Variants in METTL15 observed in about 807,000 individuals in gnomAD.
METTL15 encodes the protein 12S rRNA N(4)-cytidine methyltransferase METTL15.
METTL15 carries 34 observed loss-of-function variants against 38.3 expected under a neutral mutation model. The observed-to-expected ratio is 0.89, with a 90% CI of 0.68 to 1.18. The LOEUF (loss-of-function observed/expected upper bound fraction) is 1.18, where lower values mean the gene tolerates loss of function less well. Ranked by LOEUF, METTL15 falls within the 50% of genes most tolerant of loss-of-function variation. The pLI, the probability that METTL15 is intolerant of heterozygous loss-of-function variation, is 0.00. For missense variants in METTL15, 438 were observed against 498.4 expected, an observed-to-expected ratio of 0.88 and a Z score of 1.15; for synonymous variants, 162 against 170.9, an observed-to-expected ratio of 0.95 and a Z score of 0.41.
chr11:28,131,261 C>T (rs1009398528), intron 3 of METTL15, among the ~76,000 whole-genome samples: 7 of 152,274 alleles, frequency 4.6e-5, no homozygotes, highest in Non-Finnish European at 1.0e-4. Flanking sequence ...GTTTCAAGTA[C>T]GTTCCTGAAA....
intron 4 of METTL15, among the ~76,000 whole-genome samples, chr11:28,221,183 C>T (rs574298460): frequency 1.9e-4 from 29 of 152,314 alleles, no homozygotes; most frequent in African/African-American, 6.7e-4. Context: ...TTCTCCCCAT[C>T]ACTTTCAGGT....
At chr11:28,422,902 A>C (rs556256599) in intron 5 of METTL15, among the ~76,000 whole-genome samples, 39 of 152,174 alleles carry the variant, frequency 2.6e-4, no homozygotes, top group African/African-American at 8.9e-4. Flanking sequence ...AACAAAGTAA[A>C]GAAAACAGCC....
intron 4 of METTL15, among the ~76,000 whole-genome samples, chr11:28,244,211 G>T (rs1854420407): frequency 6.6e-6 from 1 of 152,192 alleles, no homozygotes; most frequent in Non-Finnish European, 1.5e-5. Flanking sequence ...AAATCAGATT[G>T]CAGAAGGTAA....
intron 6 of METTL15, among the ~76,000 whole-genome samples, chr11:28,462,859 C>T (rs1851227682): frequency 6.6e-6 from 1 of 152,062 alleles, no homozygotes; most frequent in South Asian, 2.1e-4. Context: ...TAACAAATGT[C>T]CATTACAAGT....
At chr11:28,316,402 C>G (rs1305300340) in intron 6 of METTL15, among the ~76,000 whole-genome samples, 2 of 152,190 alleles carry the variant, frequency 1.3e-5, no homozygotes, top group African/African-American at 4.8e-5. Context: ...CTGTATTTAC[C>G]TATTGCCTAT....
chr11:28,340,389 A>T lies in METTL15; in HGVS notation c.*190-11701A>T, dbSNP rs542627676. On this transcript the variant is annotated intron_variant and NMD_transcript_variant, in intron 3 of 7. Transcript: ENST00000532947. ...AAACTATCATCAGAGTGAACAGGCA[A>T]CCTACAGAATGGGAGAAAAGTTTTG... Among the ~76,000 whole-genome samples, 23 of 152,274 alleles carry T rather than the reference A, an allele frequency of 1.5e-4. No homozygotes were observed. The East Asian group carries it at 3.1e-3, about 20-fold the overall frequency.
intron 5 of METTL15, among the ~76,000 whole-genome samples, chr11:28,369,863 G>A (rs529404161): frequency 3.5e-4 from 54 of 152,182 alleles, no homozygotes; most frequent in African/African-American, 1.3e-3. Context: ...TCTGGTAAAG[G>A]TAAATATATC....
chr11:28,292,973 A>C (rs1476646765), intron 5 of METTL15, among the ~76,000 whole-genome samples: 1 of 152,270 alleles, frequency 6.6e-6, no homozygotes, highest in South Asian at 2.1e-4. Flanking sequence ...TCAGATGAGT[A>C]GGTTGCAAAA....
chr11:28,262,944 T>C (rs537871978), intron 4 of METTL15, among the ~76,000 whole-genome samples: 50 of 152,212 alleles, frequency 3.3e-4, no homozygotes, highest in African/African-American at 1.2e-3. Flanking sequence ...TTATAGATCT[T>C]GAGATTTTAA....
At chr11:28,300,686 C>A (rs186150826) in intron 6 of METTL15, among the ~76,000 whole-genome samples, 3 of 152,232 alleles carry the variant, frequency 2.0e-5, no homozygotes, top group African/African-American at 2.4e-5. Context: ...CACACATGTT[C>A]ATACATATGC....
intron 4 of METTL15, among the ~76,000 whole-genome samples, chr11:28,235,284 T>G (rs2133890749): frequency 6.6e-6 from 1 of 152,272 alleles, no homozygotes; most frequent in East Asian, 1.9e-4. Flanking sequence ...GACTTGGCGA[T>G]GCGGGCTCTT....
intron 3 of METTL15, among the ~76,000 whole-genome samples, chr11:28,351,446 T>C (rs1850040976): frequency 6.6e-6 from 1 of 152,184 alleles, no homozygotes; most frequent in South Asian, 2.1e-4. Flanking sequence ...CAATTATTTA[T>C]CAACACAAAC....
intron 3 of METTL15, among the ~76,000 whole-genome samples, chr11:28,183,050 T>C (rs1395539375): frequency 6.6e-6 from 1 of 152,142 alleles, no homozygotes; most frequent in Non-Finnish European, 1.5e-5. Flanking sequence ...AATATTTGGC[T>C]CTCTGTTTGT....
At chr11:28,125,686 A>G (rs913240880) in intron 3 of METTL15, 4 of 152,114 alleles carry the variant, frequency 2.6e-5, no homozygotes, top group African/African-American at 9.7e-5. Context: ...CTATAAACCA[A>G]TTTTTAACAA....
At chr11:28,112,419 T>C (rs552347716) in intron 2 of METTL15, among the ~76,000 whole-genome samples, 15 of 152,350 alleles carry the variant, frequency 9.8e-5, no homozygotes, top group Admixed American at 2.6e-4. Context: ...AACTGGGTAG[T>C]ATCAAGCGGT....
intron 6 of METTL15, among the ~76,000 whole-genome samples, chr11:28,459,983 C>T (rs911542547): frequency 1.3e-5 from 2 of 151,706 alleles, no homozygotes; most frequent in African/African-American, 4.8e-5. Context: ...ACTGTGAGGC[C>T]CATTTATTTA....
chr11:28,237,641 G>T (rs968220822), intron 4 of METTL15, among the ~76,000 whole-genome samples: 2 of 152,216 alleles, frequency 1.3e-5, no homozygotes, highest in African/African-American at 4.8e-5. Context: ...TCCGTTGCTG[G>T]TGAGGAACTG....
chr11:28,316,038 A>G (rs758475702), intron 6 of METTL15, among the ~76,000 whole-genome samples: 1 of 152,236 alleles, frequency 6.6e-6, no homozygotes, highest in Non-Finnish European at 1.5e-5. Context: ...ACCCCCACAC[A>G]GAGTTCCCAC....
chr11:28,296,893 C>A lies in METTL15; in HGVS notation c.740C>A (p.Pro247His), dbSNP rs2134002132. Residue 247 changes from proline (P) to histidine (H), a missense_variant, in exon 6 of 7, where the codon CCC becomes CAC. Coordinates refer to ENST00000407364, the MANE Select transcript of METTL15 (RefSeq NM_001113528.2). ...SAIVQARSIY[P>H]ITRTQQLASI... ...ATTGTTCAGGCACGCAGCATCTACC[C>A]CATCACCAGAACCCAGCAGCTTGCC... 6.2e-7 allele frequency: 1 copy of A among 1,613,534 alleles called. No homozygotes were observed. Among genetic ancestry groups the A allele is most frequent in the South Asian group, 1.1e-5 (1 of 91,070 alleles).
Sources: gnomAD v4.1 joint callset for allele counts (sites outside exome capture counted in the v4.1 genomes callset) on GRCh38, gnomAD v4.1.1 for gene constraint, MANE v1.5 for transcripts, NCBI Gene and HGNC (gene_info 2026-07-23, HGNC 2026-07-21) for gene names.